The following ZNF783 variants were observed in gnomAD, a reference collection of about 807,000 sequenced individuals.
ZNF783 encodes the protein protein ZNF783.
Under a neutral mutation model 31.3 loss-of-function variants are expected in ZNF783, and 25 were observed. That is an observed-to-expected ratio of 0.80 (90% CI 0.58 to 1.11). ZNF783 has a LOEUF of 1.11. Among genes scored for constraint, ZNF783 ranks in the 50% most tolerant of loss-of-function variants. The probability of loss-of-function intolerance (pLI) is 0.00; values close to 1 mark genes in which losing one functional copy is unlikely to be tolerated. For missense variants in ZNF783, 797 were observed against 760.0 expected, an observed-to-expected ratio of 1.05 and a Z score of -0.57; for synonymous variants, 369 against 319.1, an observed-to-expected ratio of 1.16 and a Z score of -1.66.
chr7:149,276,308 G>A (rs1797328047), intron 4 of ZNF783: 1 of 982,852 alleles, frequency 1.0e-6, no homozygotes, highest in Non-Finnish European at 1.2e-6. Context: ...TGTGATGCTT[G>A]GGGCTGTTTA....
At chr7:149,280,829 C>T (rs1349507009) in intron 5 of ZNF783, among the ~76,000 whole-genome samples, 1 of 152,220 alleles carries the variant, frequency 6.6e-6, no homozygotes, top group Non-Finnish European at 1.5e-5. Context: ...GCTGTGATCA[C>T]CTGCCACTGC....
chr7:149,262,348 G>C lies in ZNF783; in HGVS notation c.15G>C (p.Ala5=). The change falls in exon 1 of 6, where the codon GCG becomes GCC. Residue 5 remains alanine (A), a synonymous_variant. Transcript: ENST00000434415. Reference sequence around the variant, plus strand: ...CGCGGGCAGCCATGGCCGAAGCGGCGCCTGCCCGGGTAAGCGCCCTCGGCC... The same window carrying C: ...CGCGGGCAGCCATGGCCGAAGCGGCCCCTGCCCGGGTAAGCGCCCTCGGCC... The part of the protein sequence containing the change: MAEA[A]PARDPETDKH... 1 of 1,330,986 alleles carries C rather than the reference G, an allele frequency of 7.5e-7. No homozygotes were observed. Among genetic ancestry groups the C allele is most frequent in the Non-Finnish European group, 9.6e-7 (1 of 1,036,558 alleles). The allele number at this position is 1,330,986 out of a possible 1,614,324, so 82.4% of individuals were successfully genotyped here.
intron 5 of ZNF783, 118 bp from the exon 6 acceptor site, chr7:149,281,387 T>A: frequency 1.2e-6 from 1 of 817,398 alleles, no homozygotes; most frequent in Non-Finnish European, 1.7e-6. Context: ...TGCAATGTGC[T>A]GTGAGCACTG....
chr7:149,266,783 C>T (rs926865119), intron 2 of ZNF783, 36 bp from the exon 3 acceptor site: 15 of 1,613,590 alleles, frequency 9.3e-6, no homozygotes, highest in African/African-American at 1.3e-5. Context: ...AGCCTGTGAG[C>T]GTGTGGGTGA....
intron 4 of ZNF783, among the ~76,000 whole-genome samples, chr7:149,273,189 GT>G (rs1242987024): frequency 9.9e-5 from 15 of 152,140 alleles, no homozygotes; most frequent in Non-Finnish European, 1.8e-4. Flanking sequence ...CTTGACTATT[GT>G]GAATAATGCT....
At chr7:149,278,264 C>T (rs1168550486) in intron 4 of ZNF783, 135 bp from the exon 5 acceptor site, 39 of 1,458,532 alleles carry the variant, frequency 2.7e-5, no homozygotes, top group Non-Finnish European at 3.4e-5. Flanking sequence ...TGGTGGGGTC[C>T]ACCTCACTAT....
At chr7:149,266,789 GGTGA>G in intron 2 of ZNF783, 26 bp from the exon 3 acceptor site, 3 of 1,613,880 alleles carry the variant, frequency 1.9e-6, no homozygotes, top group Non-Finnish European at 2.5e-6. Flanking sequence ...TGAGCGTGTG[GGTGA>G]GTGAGTGCGA....
rs11980276 is a variant in ZNF783 at position 149,284,204 on chromosome 7, C to T, written c.*1861C>T. 11,707 of 152,358 alleles carry T rather than the reference C, an allele frequency of 0.077. 558 individuals are homozygous for T. Among genetic ancestry groups the T allele is most frequent in the African/African-American group, 0.11 (4,733 of 41,534 alleles). The allele number at this position is 152,358 out of a possible 1,614,324, so 9.4% of individuals were successfully genotyped here. A position where few individuals can be genotyped will look rare whatever the true frequency, so the allele number is the denominator to read the frequency against. ...CCCCAGCTATCCTTGTTTTTTACCG[C>T]CTTGTCTGGCACTGTGACCACGCTT... On this transcript the variant is annotated 3_prime_UTR_variant, in exon 6 of 6. Coordinates refer to ENST00000434415, the MANE Select transcript of ZNF783 (RefSeq NM_001195220.2).
intron 1 of ZNF783, among the ~76,000 whole-genome samples, chr7:149,262,582 C>T (rs916502100): frequency 2.0e-5 from 3 of 152,224 alleles, no homozygotes; most frequent in African/African-American, 4.8e-5. Flanking sequence ...GCTGACGATC[C>T]GGCCCATCTG....
intron 5 of ZNF783, among the ~76,000 whole-genome samples, chr7:149,280,047 G>A (rs866595289): frequency 5.3e-5 from 8 of 151,676 alleles, no homozygotes; most frequent in African/African-American, 1.9e-4. Flanking sequence ...AGGGGTGGCC[G>A]GGCAGAGGCG....
At chr7:149,271,398 T>A (rs1222349178) in intron 4 of ZNF783, among the ~76,000 whole-genome samples, 2 of 152,242 alleles carry the variant, frequency 1.3e-5, no homozygotes, top group Non-Finnish European at 2.9e-5. Context: ...GCCATAATAC[T>A]ATTAACAATT....
At chr7:149,277,439 G>C (rs1185112659) in intron 4 of ZNF783, 2 of 151,288 alleles carry the variant, frequency 1.3e-5, no homozygotes, top group East Asian at 3.9e-4. Flanking sequence ...ATCTTTTTTT[G>C]CTTAAAAAAT....
At chr7:149,262,391 G>A (rs1463732381) in intron 1 of ZNF783, 34 bp downstream of exon 1, 1 of 1,223,622 alleles carries the variant, frequency 8.2e-7, no homozygotes. Context: ...CGCCCGGAAG[G>A]CCCAGGCCGC....
rs554496522 is a variant in ZNF783 at position 149,279,536 on chromosome 7, C to T, written c.802+1009C>T. On this transcript the variant is annotated intron_variant, in intron 5 of 5. Transcript: ENST00000434415. ...GGGCTGCTGGGGAGATGGCTGTGCACGCTGCAAGCCGCGGGTGTCCAGCAG... is the reference window on the plus strand; with the variant it reads ...GGGCTGCTGGGGAGATGGCTGTGCATGCTGCAAGCCGCGGGTGTCCAGCAG... 7.2e-5 allele frequency among the ~76,000 whole-genome samples: 11 copies of T among 152,014 alleles called. No homozygotes were observed. In the South Asian group the frequency reaches 1.7e-3, roughly 23 times the overall value.
At chr7:149,267,899 A>G (rs1007055102) in intron 4 of ZNF783, among the ~76,000 whole-genome samples, 1 of 151,996 alleles carries the variant, frequency 6.6e-6, no homozygotes, top group Non-Finnish European at 1.5e-5. Context: ...TGTGTCCCCT[A>G]TTGCAGTCCC....
intron 4 of ZNF783, 145 bp downstream of exon 4, chr7:149,267,367 C>A (rs1797104681): frequency 9.6e-6 from 11 of 1,140,200 alleles, no homozygotes; most frequent in Non-Finnish European, 1.3e-5. Context: ...TGTACAAGGC[C>A]ACCCTGGGCA....
At chr7:149,273,602 G>T (rs1797259751) in intron 4 of ZNF783, among the ~76,000 whole-genome samples, 1 of 151,712 alleles carries the variant, frequency 6.6e-6, no homozygotes, top group Non-Finnish European at 1.5e-5. Context: ...CAGGAGTGCA[G>T]TGGCACAATC....
chr7:149,281,801 C>A lies in ZNF783; in HGVS notation c.1099C>A (p.His367Asn). 1 of 1,517,524 alleles carries A rather than the reference C, an allele frequency of 6.6e-7. No individual in the cohort carries two copies. The highest frequency in any genetic ancestry group is 2.4e-5 in the East Asian group (1 of 42,488). The allele number at this position is 1,517,524 out of a possible 1,614,324, so 94.0% of individuals were successfully genotyped here. A position where few individuals can be genotyped will look rare whatever the true frequency, so the allele number is the denominator to read the frequency against. Reference sequence around the variant, plus strand: ...CCGCCTGAAGATCAATCTGACGATTCATCAGCGGACCCATGTGGAGGAGGG... The same window carrying A: ...CCGCCTGAAGATCAATCTGACGATTAATCAGCGGACCCATGTGGAGGAGGG... ...SFRLKINLTI[H>N]QRTHVEEGRQ... is the part of the protein sequence containing the mutation. Residue 367 changes from histidine to asparagine, a missense_variant, in exon 6 of 6, where the codon CAT (histidine) becomes AAT (asparagine). Coordinates refer to ENST00000434415, the MANE Select transcript of ZNF783 (RefSeq NM_001195220.2).
At position 149,266,862 on chromosome 7, in the gene ZNF783, T is replaced by C; in HGVS notation, c.464T>C (p.Leu155Pro). ...GATGTGGCCGTGTATTTCTCTGAGC[T>C]GGAGTGGGGCAAGCTGGAGGACTGG... ...FDDVAVYFSE[L>P]EWGKLEDWQK... Residue 155 changes from leucine to proline, a missense_variant, in exon 3 of 6, where the codon CTG becomes CCG. By Grantham distance (98) the Leu-to-Pro change is moderately conservative. Coordinates refer to ENST00000434415, the MANE Select transcript of ZNF783 (RefSeq NM_001195220.2). 1 of 1,613,934 alleles carries C rather than the reference T, an allele frequency of 6.2e-7. No individual in the cohort carries two copies. Among genetic ancestry groups the C allele is most frequent in the Non-Finnish European group, 8.5e-7 (1 of 1,179,968 alleles).
Sources: allele counts gnomAD v4.1 joint callset (sites outside exome capture counted in the v4.1 genomes callset), GRCh38; gene constraint gnomAD v4.1.1; transcripts MANE v1.5; gene names NCBI Gene and HGNC (gene_info 2026-07-23, HGNC 2026-07-21).